Variants in CDK14 observed in about 807,000 individuals in gnomAD.
CDK14 encodes the protein cyclin dependent kinase 14.
Under a neutral mutation model 60.7 loss-of-function variants are expected in CDK14, and 34 were observed. The ratio of observed to expected loss-of-function variants is 0.56; its 90% CI spans 0.43 to 0.75. The LOEUF is 0.75. Among genes scored for constraint, CDK14 ranks in the 30% least tolerant of loss-of-function variants. CDK14 has a pLI of 0.00. For synonymous variants in CDK14, 197 were observed against 203.7 expected, an observed-to-expected ratio of 0.97 and a Z score of 0.28; for missense variants, 482 against 564.1, an observed-to-expected ratio of 0.85 and a Z score of 1.47.
At chr7:90,674,880 CA>C (rs940401144) in intron 2 of CDK14, among the ~76,000 whole-genome samples, 5 of 152,220 alleles carry the variant, frequency 3.3e-5, no homozygotes. Context: ...TGGACAGGAG[CA>C]CCACACCCCA....
intron 5 of CDK14, among the ~76,000 whole-genome samples, chr7:90,854,404 G>C (rs1440204063): frequency 6.6e-6 from 1 of 152,076 alleles, no homozygotes; most frequent in African/African-American, 2.4e-5. Flanking sequence ...TTAGCCAGGG[G>C]TGGCGGCAGG....
chr7:90,911,822 C>CATTA (rs565187789), intron 7 of CDK14, among the ~76,000 whole-genome samples: 62 of 151,880 alleles, frequency 4.1e-4, no homozygotes, highest in East Asian at 1.2e-3. Context: ...GATAAAATAC[C>CATTA]ATTAATTAAT....
At position 90,917,598 on chromosome 7, in the gene CDK14, C is replaced by T. The variant is rs778508638; in HGVS notation, c.703-3C>T. On this transcript the variant is annotated splice_polypyrimidine_tract_variant and splice_region_variant and intron_variant, in intron 7 of 14. Coordinates refer to ENST00000380050, the MANE Select transcript of CDK14 (RefSeq NM_001287135.2). ...TTTTAACCTTTGTCTCCTTATTTTT[C>T]AGTTGTTTTTATTTCAGTTGCTGCG... 11 of 1,610,874 alleles carry T rather than the reference C, an allele frequency of 6.8e-6. No individual in the cohort carries two copies. The South Asian group carries it at 1.1e-4, about 16-fold the overall frequency.
chr7:91,112,800 G>T, intron 13 of CDK14, 119 bp downstream of exon 13: 8 of 952,468 alleles, frequency 8.4e-6, no homozygotes, highest in Non-Finnish European at 1.1e-5. Context: ...ATAAGATAAT[G>T]TATGTTTGTA....
intron 12 of CDK14, among the ~76,000 whole-genome samples, chr7:91,097,958 T>C (rs1562903498): frequency 6.6e-6 from 1 of 152,190 alleles, no homozygotes; most frequent in African/African-American, 2.4e-5. Context: ...GTTGGTTCAG[T>C]GTGCAGTTGG....
intron 5 of CDK14, among the ~76,000 whole-genome samples, chr7:90,818,559 CT>C (rs1489609090): frequency 6.6e-6 from 1 of 152,124 alleles, no homozygotes; most frequent in Non-Finnish European, 1.5e-5. Context: ...TCACTAATAG[CT>C]TATGGAAAAT....
At chr7:90,674,964 T>G (rs537563151) in intron 2 of CDK14, among the ~76,000 whole-genome samples, 2 of 152,336 alleles carry the variant, frequency 1.3e-5, no homozygotes, top group Non-Finnish European at 2.9e-5. Context: ...TCTAAATAGT[T>G]TTTATTTCCC....
At chr7:90,716,084 G>C (rs923964034) in intron 2 of CDK14, among the ~76,000 whole-genome samples, 2 of 151,988 alleles carry the variant, frequency 1.3e-5, no homozygotes, top group East Asian at 3.9e-4. Context: ...TCAACTGGAA[G>C]TCAGAAAATG....
chr7:90,839,039 G>A (rs544778606), intron 5 of CDK14, among the ~76,000 whole-genome samples: 5 of 152,234 alleles, frequency 3.3e-5, no homozygotes, highest in African/African-American at 9.6e-5. Flanking sequence ...TGGCACCCCC[G>A]GAGGCCCCGA....
At chr7:90,999,217 G>A (rs944003625) in intron 10 of CDK14, among the ~76,000 whole-genome samples, 1 of 152,054 alleles carries the variant, frequency 6.6e-6, no homozygotes, top group African/African-American at 2.4e-5. Flanking sequence ...GCAGGAGGTG[G>A]TGCCAAAATA....
chr7:91,125,975 TG>T (rs1799931357), intron 14 of CDK14, among the ~76,000 whole-genome samples: 1 of 152,198 alleles, frequency 6.6e-6, no homozygotes, highest in South Asian at 2.1e-4. Context: ...GAAAGATGTG[TG>T]ATTATAATGT....
chr7:91,173,822 G>A (rs1404884502), intron 14 of CDK14, among the ~76,000 whole-genome samples: 2 of 152,114 alleles, frequency 1.3e-5, no homozygotes, highest in Admixed American at 6.5e-5. Flanking sequence ...ACGGAGTCTC[G>A]CTGATTGCTA....
chr7:91,180,967 A>G lies in CDK14; in HGVS notation c.*29-26198A>G, dbSNP rs116327398. Among the ~76,000 whole-genome samples the G allele has an allele frequency of 4.4e-3, 677 of 152,284 alleles. 8 individuals are homozygous for G. The highest frequency in any genetic ancestry group is 0.015 in the African/African-American group (642 of 41,556). On this transcript the variant is annotated intron_variant, in intron 14 of 14. Transcript: ENST00000380050. ...ACATGCACTCTCCCCTTCCTACCCA[A>G]ATTACTTCACAACAAATCCAAGACA...
chr7:91,023,250 G>A (rs59338042), intron 10 of CDK14, among the ~76,000 whole-genome samples: 3,320 of 152,154 alleles, frequency 0.022, 115 homozygotes, highest in African/African-American at 0.076. Flanking sequence ...CATAATAAAT[G>A]CATTACTGTT....
intron 14 of CDK14, among the ~76,000 whole-genome samples, chr7:91,142,898 C>A (rs1800510505): frequency 6.6e-6 from 1 of 152,174 alleles, no homozygotes; most frequent in Non-Finnish European, 1.5e-5. Context: ...GCCAACAGAT[C>A]TCAGATGGAT....
chr7:91,009,204 T>TC (rs1297916941), intron 10 of CDK14, among the ~76,000 whole-genome samples: 1 of 152,208 alleles, frequency 6.6e-6, no homozygotes, highest in Admixed American at 6.5e-5. Flanking sequence ...AGTTGTTTAT[T>TC]CTTTTTTTTA....
At chr7:90,966,799 A>G (rs1336951871) in intron 9 of CDK14, among the ~76,000 whole-genome samples, 1 of 152,012 alleles carries the variant, frequency 6.6e-6, no homozygotes, top group Non-Finnish European at 1.5e-5. Context: ...TACATCCTGA[A>G]CTTTTTCCAA....
At chr7:90,964,101 A>G (rs763643157) in intron 9 of CDK14, among the ~76,000 whole-genome samples, 1 of 152,212 alleles carries the variant, frequency 6.6e-6, no homozygotes, top group Non-Finnish European at 1.5e-5. Context: ...AACAAGCGTC[A>G]TGGCAGTCTG....
intron 6 of CDK14, among the ~76,000 whole-genome samples, chr7:90,892,703 C>G (rs1411437210): frequency 6.6e-6 from 1 of 152,214 alleles, no homozygotes; most frequent in African/African-American, 2.4e-5. Flanking sequence ...GGAGATACTC[C>G]TGCACCTATG....
Sources: gnomAD v4.1 joint callset for allele counts (sites outside exome capture counted in the v4.1 genomes callset) on GRCh38, gnomAD v4.1.1 for gene constraint, MANE v1.5 for transcripts, NCBI Gene and HGNC (gene_info 2026-07-23, HGNC 2026-07-21) for gene names.